FBXL5: variants seen among roughly 807,000 people sequenced by gnomAD.
FBXL5 encodes F-box and leucine rich repeat protein 5.
In FBXL5, 26 loss-of-function variants were observed where a neutral mutation model predicts 78.3. The observed-to-expected ratio is 0.33, with a 90% CI of 0.24 to 0.46. FBXL5 has a LOEUF of 0.46. Among genes scored for constraint, FBXL5 ranks in the 20% least tolerant of loss-of-function variants. The pLI is 1.00. For synonymous variants in FBXL5, 295 were observed against 282.5 expected (o/e 1.04, Z -0.45); for missense variants, 710 against 829.2 (o/e 0.86, Z 1.77).
In FBXL5 at chr4:15,665,568, T is replaced by C. The variant is rs1414109761; in HGVS notation, c.-283-5646A>G. Among the ~76,000 whole-genome samples the C allele has an allele frequency of 2.0e-5, 3 of 151,934 alleles. No individual in the cohort carries two copies. In the East Asian group the frequency reaches 5.8e-4, roughly 29 times the overall value. On this transcript the variant is annotated intron_variant, in intron 1 of 4. Coordinates refer to the FBXL5 transcript ENST00000507899. ...AGCTAATATTCAAATATAACCCAAG[T>C]TTATATTTGTTTCACTCTTTCCCAC...
Position 15,625,443 on chromosome 4 carries a change from T to C in FBXL5, c.1659A>G (p.Thr553=), listed in dbSNP as rs766936249. 5.6e-6 allele frequency: 9 copies of C among 1,613,974 alleles called. No individual in the cohort carries two copies. In the East Asian group the frequency reaches 8.9e-5, roughly 16 times the overall value. Residue 553 remains threonine, a synonymous_variant, in exon 9 of 11, where the codon ACA becomes ACG. Transcript: ENST00000341285. Reference sequence around the variant, plus strand: ...ATGACATAGTTCTTAAAGCTGTTCCTGTACAACAAAATGAGTGACCACAAT... The same window carrying C: ...ATGACATAGTTCTTAAAGCTGTTCCCGTACAACAAAATGAGTGACCACAAT... ...FAYCGHSFCC[T]GTALRTMSSL...
rs1018872748 is a variant in FBXL5 at position 15,604,469 on chromosome 4, TCAC to T, written c.*1251_*1253del. On this transcript the variant is annotated 3_prime_UTR_variant, in exon 11 of 11. Transcript: ENST00000341285. Reference sequence around the variant, plus strand: ...AGTAACAACAATCACTGGCCACAGATCACCACAACAGATTTAATAATAGTGAAA... The same window carrying T: ...AGTAACAACAATCACTGGCCACAGATCACAACAGATTTAATAATAGTGAAA... The T allele has an allele frequency of 5.9e-5, 9 of 152,150 alleles. No homozygotes were observed. The highest frequency in any genetic ancestry group is 2.2e-4 in the African/African-American group (9 of 41,418). The allele number at this position is 152,150 out of a possible 1,614,324, so 9.4% of individuals were successfully genotyped here. A position where few individuals can be genotyped will look rare whatever the true frequency, so the allele number is the denominator to read the frequency against.
chr4:15,678,960 TA>T (rs532023934), intron 1 of FBXL5, among the ~76,000 whole-genome samples: 78 of 151,836 alleles, frequency 5.1e-4, no homozygotes, highest in African/African-American at 1.8e-3. Flanking sequence ...TCAGCAGAAA[TA>T]AAAAACAAAC....
At chr4:15,672,957 G>A (rs921613224) in intron 1 of FBXL5, among the ~76,000 whole-genome samples, 1 of 151,758 alleles carries the variant, frequency 6.6e-6, no homozygotes, top group Non-Finnish European at 1.5e-5. Flanking sequence ...CTTACACAGG[G>A]TCACAATCAA....
chr4:15,661,982 A>G (rs1057498631), upstream of FBXL5, among the ~76,000 whole-genome samples: 2 of 152,240 alleles, frequency 1.3e-5, no homozygotes, highest in African/African-American at 2.4e-5. Flanking sequence ...TACTTATAAT[A>G]TGGTAGCTTG....
intron 1 of FBXL5, among the ~76,000 whole-genome samples, chr4:15,677,419 G>T (rs1290536620): frequency 6.6e-6 from 1 of 152,120 alleles, no homozygotes; most frequent in Non-Finnish European, 1.5e-5. Context: ...TAGGGGTTGG[G>T]AGATAGAGAG....
At chr4:15,618,483 C>A (rs1712133528) in intron 9 of FBXL5, among the ~76,000 whole-genome samples, 1 of 152,206 alleles carries the variant, frequency 6.6e-6, no homozygotes, top group Non-Finnish European at 1.5e-5. Flanking sequence ...TGAATCAAAA[C>A]CCTCTCAACA....
intron 10 of FBXL5, among the ~76,000 whole-genome samples, chr4:15,609,976 A>G (rs1049544518): frequency 2.0e-5 from 3 of 152,108 alleles, no homozygotes; most frequent in Middle Eastern, 3.2e-3. Context: ...AGTTAACTAT[A>G]TATGTTTTCT....
chr4:15,605,519 C>A lies in FBXL5; in HGVS notation c.*204G>T. On this transcript the variant is annotated 3_prime_UTR_variant, in exon 11 of 11. Transcript: ENST00000341285. ...CTCACCCTTTTGAAAAGACCTAATCCCTTTCTAAACCAAAAGTATAATTTG... is the reference window on the plus strand; with the variant it reads ...CTCACCCTTTTGAAAAGACCTAATCACTTTCTAAACCAAAAGTATAATTTG... 1.9e-6 allele frequency: 1 copy of A among 521,934 alleles called. No homozygotes were observed. The highest frequency in any genetic ancestry group is 2.4e-5 in the South Asian group (1 of 41,460). 32.3% of individuals were successfully genotyped at this position (521,934 alleles called of 1,614,324 possible).
intron 9 of FBXL5, among the ~76,000 whole-genome samples, chr4:15,617,559 AAAAG>A (rs1257882477): frequency 2.0e-5 from 3 of 151,688 alleles, no homozygotes; most frequent in African/African-American, 4.8e-5. Flanking sequence ...AAAAAAAAAA[AAAAG>A]AAAGAAAACG....
At chr4:15,631,242 T>A (rs897599120) in intron 5 of FBXL5, among the ~76,000 whole-genome samples, 8 of 152,246 alleles carry the variant, frequency 5.3e-5, no homozygotes, top group Admixed American at 5.2e-4. Flanking sequence ...GCAAAGGACA[T>A]GAACTCATCA....
chr4:15,633,128 C>T (rs896102259), intron 5 of FBXL5, among the ~76,000 whole-genome samples: 2 of 152,074 alleles, frequency 1.3e-5, no homozygotes, highest in Admixed American at 6.5e-5. Flanking sequence ...CAGGTGGGTT[C>T]GATTAACGAT....
At chr4:15,654,691 G>C (rs990047537) in intron 1 of FBXL5, among the ~76,000 whole-genome samples, 7 of 152,236 alleles carry the variant, frequency 4.6e-5, no homozygotes, top group Admixed American at 1.3e-4. Context: ...AGACGCTGCA[G>C]TTCCAGCCAG....
chr4:15,609,907 G>T (rs1189020950), intron 10 of FBXL5, among the ~76,000 whole-genome samples: 1 of 151,922 alleles, frequency 6.6e-6, no homozygotes, highest in Non-Finnish European at 1.5e-5. Flanking sequence ...TACTTATCAT[G>T]TATTACTTAA....
chr4:15,620,781 T>C (rs1336004182), intron 9 of FBXL5, among the ~76,000 whole-genome samples: 1 of 152,262 alleles, frequency 6.6e-6, no homozygotes, highest in Non-Finnish European at 1.5e-5. Context: ...AAAGAACACC[T>C]GGCCCGCCCA....
intron 1 of FBXL5, among the ~76,000 whole-genome samples, chr4:15,668,788 T>A (rs1387836874): frequency 2.0e-5 from 3 of 152,246 alleles, no homozygotes; most frequent in Admixed American, 2.0e-4. Flanking sequence ...AGCCTTATTA[T>A]CATCATTAAA....
chr4:15,644,362 T>C, intron 2 of FBXL5, 131 bp downstream of exon 2: 1 of 731,282 alleles, frequency 1.4e-6, no homozygotes, highest in South Asian at 1.9e-5. Context: ...TTCCTTGCCA[T>C]CTTTAACAAG....
At chr4:15,629,492 A>AC (rs1157971685) in intron 6 of FBXL5, among the ~76,000 whole-genome samples, 3 of 152,130 alleles carry the variant, frequency 2.0e-5, no homozygotes, top group Non-Finnish European at 4.4e-5. Context: ...ATTTTTCTCT[A>AC]CAACACTTGT....
chr4:15,646,621 G>A (rs1468009386), intron 1 of FBXL5, among the ~76,000 whole-genome samples: 1 of 151,882 alleles, frequency 6.6e-6, no homozygotes, highest in Admixed American at 6.6e-5. Flanking sequence ...ATGTATACAT[G>A]TGCCATGTTG....
Sources: allele counts gnomAD v4.1 joint callset (sites outside exome capture counted in the v4.1 genomes callset), GRCh38; gene constraint gnomAD v4.1.1; transcripts MANE v1.5; gene names NCBI Gene and HGNC (gene_info 2026-07-23, HGNC 2026-07-21).